Variants in SH3D19 observed in about 807,000 individuals in gnomAD.
SH3D19 encodes the protein SH3 domain-containing protein 19.
In SH3D19, 58 loss-of-function variants were observed where a neutral mutation model predicts 112.1. That is an observed-to-expected ratio of 0.52 (90% CI 0.42 to 0.64). The LOEUF (loss-of-function observed/expected upper bound fraction) is 0.64. Among genes scored for constraint, SH3D19 ranks in the 30% least tolerant of loss-of-function variants. The probability of loss-of-function intolerance (pLI) is 0.00; values close to 1 mark genes in which losing one functional copy is unlikely to be tolerated. For synonymous variants in SH3D19, 391 were observed against 448.5 expected (o/e 0.87, Z 1.62); for missense variants, 1,090 against 1,263.4 (o/e 0.86, Z 2.08).
chr4:151,244,432 A>T (rs947301357), intron 1 of SH3D19, among the ~76,000 whole-genome samples: 2 of 152,236 alleles, frequency 1.3e-5, no homozygotes, highest in Non-Finnish European at 2.9e-5. Flanking sequence ...CGGGAAAGGA[A>T]GATTCTAATA....
intron 1 of SH3D19, among the ~76,000 whole-genome samples, chr4:151,290,032 G>C (rs1775172430): frequency 6.6e-6 from 1 of 152,206 alleles, no homozygotes; most frequent in African/African-American, 2.4e-5. Context: ...ATAGTTCATT[G>C]TAAACATGGC....
intron 1 of SH3D19, among the ~76,000 whole-genome samples, chr4:151,275,844 TATTA>T (rs767154020): frequency 0.13 from 7,905 of 58,956 alleles, 345 homozygotes; most frequent in Middle Eastern, 0.22. Context: ...TTATTATTAT[TATTA>T]TTTTTTTTTT....
At chr4:151,156,687 C>A (rs187247368) in intron 9 of SH3D19, among the ~76,000 whole-genome samples, 6 of 152,280 alleles carry the variant, frequency 3.9e-5, no homozygotes, top group African/African-American at 1.4e-4. Flanking sequence ...AGACCTAAAT[C>A]TAAGACCTGA....
At chr4:151,317,172 C>G (rs1005296339) in intron 1 of SH3D19, among the ~76,000 whole-genome samples, 2 of 152,182 alleles carry the variant, frequency 1.3e-5, no homozygotes, top group African/African-American at 4.8e-5. Flanking sequence ...TTCTCCCACA[C>G]CAGTGGAGCA....
chr4:151,198,140 C>T (rs1239765783), intron 2 of SH3D19, among the ~76,000 whole-genome samples: 1 of 150,754 alleles, frequency 6.6e-6, no homozygotes, highest in Non-Finnish European at 1.5e-5. Flanking sequence ...CTCATCTCTA[C>T]AAAAAATACA....
intron 9 of SH3D19, among the ~76,000 whole-genome samples, chr4:151,150,181 T>C (rs1180229443): frequency 3.7e-4 from 2 of 5,396 alleles, no homozygotes; most frequent in Non-Finnish European, 5.1e-4. Flanking sequence ...CAAGACTCCA[T>C]CTCAAAAAAA....
At chr4:151,218,744 T>C (rs962234424) in intron 2 of SH3D19, among the ~76,000 whole-genome samples, 1 of 152,214 alleles carries the variant, frequency 6.6e-6, no homozygotes, top group Admixed American at 6.5e-5. Flanking sequence ...CGCACATCTT[T>C]TTATACTTTT....
intron 9 of SH3D19, 27 bp downstream of exon 9, chr4:151,159,213 C>A: frequency 1.6e-6 from 2 of 1,271,678 alleles, no homozygotes; most frequent in Non-Finnish European, 1.1e-6. Context: ...CGTCTTCAAT[C>A]TAGTACAATC....
intron 2 of SH3D19, among the ~76,000 whole-genome samples, chr4:151,196,686 A>T (rs977540402): frequency 9.2e-5 from 14 of 152,314 alleles, no homozygotes; most frequent in Admixed American, 4.6e-4. Context: ...CAGCAAAACA[A>T]ATAATCAGCA....
At chr4:151,282,471 A>T in intron 1 of SH3D19, 1 of 1,572,012 alleles carries the variant, frequency 6.4e-7, no homozygotes, top group Non-Finnish European at 8.7e-7. Context: ...ACTCCAGAAC[A>T]TTCATATTCT....
At chr4:151,246,349 G>A (rs1770945375) in intron 1 of SH3D19, among the ~76,000 whole-genome samples, 1 of 152,100 alleles carries the variant, frequency 6.6e-6, no homozygotes, top group South Asian at 2.1e-4. Context: ...ATCAAATTCT[G>A]TTTCTGGCTT....
Position 151,167,131 on chromosome 4 carries a change from G to A in SH3D19, c.1535-1435C>T, listed in dbSNP as rs149580345. ...TCACAGTGAGTGAGGCTAGTCTTAC[G>A]TTAAAAAAACCAACTCAAGATTATC... On this transcript the variant is annotated intron_variant, in intron 7 of 19. Transcript: ENST00000604030. Among the ~76,000 whole-genome samples the A allele has an allele frequency of 5.6e-3, 844 of 150,994 alleles. 6 individuals are homozygous for A. Among genetic ancestry groups the A allele is most frequent in the African/African-American group, 0.019 (778 of 41,282 alleles).
intron 2 of SH3D19, among the ~76,000 whole-genome samples, chr4:151,219,983 A>G (rs1399152836): frequency 1.3e-5 from 2 of 151,890 alleles, no homozygotes; most frequent in Non-Finnish European, 2.9e-5. Flanking sequence ...GTAGATTAAA[A>G]ATATGGATAA....
chr4:151,129,731 C>G (rs1004201267), intron 17 of SH3D19, among the ~76,000 whole-genome samples: 2 of 152,206 alleles, frequency 1.3e-5, no homozygotes, highest in African/African-American at 4.8e-5. Flanking sequence ...CACTTCTTAA[C>G]TTCGTGACAC....
At chr4:151,227,958 C>T (rs887906581) in intron 1 of SH3D19, 1 of 985,250 alleles carries the variant, frequency 1.0e-6, no homozygotes, top group Non-Finnish European at 1.2e-6. Flanking sequence ...CCCTCCAGGG[C>T]CTGTTCTGAT....
chr4:151,167,906 G>A (rs1047172978), intron 7 of SH3D19, among the ~76,000 whole-genome samples: 1 of 152,250 alleles, frequency 6.6e-6, no homozygotes, highest in Non-Finnish European at 1.5e-5. Flanking sequence ...GAAGTGAGGC[G>A]CGCCTCTGCC....
In SH3D19 at chr4:151,121,973, C is replaced by G. The variant is rs999596889; in HGVS notation, c.*118G>C. 1 of 645,622 alleles carries G rather than the reference C, an allele frequency of 1.5e-6. No homozygotes were observed. The highest frequency in any genetic ancestry group is 2.8e-6 in the Non-Finnish European group (1 of 363,414). The allele number at this position is 645,622 out of a possible 1,614,324, so 40.0% of individuals were successfully genotyped here. ...CTGCTTTCAGAAAATTCTAGTGTAC[C>G]ATGTACAGCTTAGATATTTCTTTTT... On this transcript the variant is annotated 3_prime_UTR_variant, in exon 20 of 20. Coordinates refer to ENST00000604030, the MANE Select transcript of SH3D19 (RefSeq NM_001378122.1).
intron 9 of SH3D19, among the ~76,000 whole-genome samples, chr4:151,157,177 A>C (rs528349037): frequency 1.1e-4 from 17 of 150,966 alleles, no homozygotes; most frequent in Non-Finnish European, 2.5e-4. Flanking sequence ...ACCTGAGCCC[A>C]GGAGGTCAAG....
At chr4:151,283,088 T>C in intron 1 of SH3D19, 1 of 1,609,888 alleles carries the variant, frequency 6.2e-7, no homozygotes, top group South Asian at 1.1e-5. Context: ...TAGGTTGCTT[T>C]AATCTTTTGT....
Sources: gnomAD v4.1 joint callset for allele counts (sites outside exome capture counted in the v4.1 genomes callset) on GRCh38, gnomAD v4.1.1 for gene constraint, MANE v1.5 for transcripts, NCBI Gene and HGNC (gene_info 2026-07-23, HGNC 2026-07-21) for gene names.